The following ZSWIM8 variants were observed in gnomAD, a reference collection of about 807,000 sequenced individuals.
ZSWIM8 encodes zinc finger SWIM-type containing 8.
ZSWIM8 carries 27 observed loss-of-function variants against 173.7 expected under a neutral mutation model. The observed-to-expected ratio is 0.16, with a 90% CI of 0.11 to 0.21. ZSWIM8 has a LOEUF of 0.21. Ranked by LOEUF, ZSWIM8 falls within the 10% of genes least tolerant of loss-of-function variation. The pLI, the probability that ZSWIM8 is intolerant of heterozygous loss-of-function variation, is 1.00. For missense variants in ZSWIM8, 1,627 were observed against 2,428.8 expected (o/e 0.67, Z 6.94); for synonymous variants, 958 against 962.0 (o/e 1.00, Z 0.08).
Position 73,787,261 on chromosome 10 carries a change from G to A in ZSWIM8, c.208+1175G>A, listed in dbSNP as rs114276686. 3.8e-3 allele frequency among the ~76,000 whole-genome samples: 585 copies of A among 152,264 alleles called. 3 individuals carry two copies. Among genetic ancestry groups the A allele is most frequent in the African/African-American group, 0.013 (558 of 41,550 alleles). On this transcript the variant is annotated intron_variant, in intron 1 of 25. Coordinates refer to ENST00000604729, the MANE Select transcript of ZSWIM8 (RefSeq NM_001367799.1). The stretch of plus-strand genomic sequence containing the variant: ...TCCCGGCATATATATCACTTTTTAG[G>A]AGTGGCGGACTGGTGGCATTCAGCT...
Position 73,791,111 on chromosome 10 carries a change from C to T in ZSWIM8, c.1078C>T (p.Arg360Trp). 6.2e-7 allele frequency: 1 copy of T among 1,613,782 alleles called. No individual in the cohort carries two copies. The highest frequency in any genetic ancestry group is 1.1e-5 in the South Asian group (1 of 91,056). ...LLSIVREMFK[R>W]RDSNAAPLLE... ...AAGCATTGTGCGGGAGATGTTCAAG[C>T]GGAGGGACAGCAATGCTGCCCCCTT... is the stretch of plus-strand genomic sequence containing the variant. Residue 360 changes from arginine to tryptophan, a missense_variant, in exon 8 of 26, where the codon CGG becomes TGG. Transcript: ENST00000604729. This position sits in a 1 kb window ranked among gnomAD's most constrained non-coding sequence, Gnocchi z 6.0.
intron 21 of ZSWIM8, 106 bp from the exon 22 acceptor site, chr10:73,799,905 T>TCTAA (rs2132813044): frequency 8.8e-7 from 1 of 1,132,330 alleles, no homozygotes; most frequent in Non-Finnish European, 1.2e-6. Context: ...AGAGCGAGAC[T>TCTAA]CTATCTCAAA....
rs1220542246 is a variant in ZSWIM8, at chr10:73,789,257, C to T, written c.457+67C>T. On this transcript the variant is annotated intron_variant, in intron 3 of 25. Coordinates refer to ENST00000604729, the MANE Select transcript of ZSWIM8 (RefSeq NM_001367799.1). The surrounding 1 kb of genome is among the most constrained non-coding windows in gnomAD (Gnocchi z 6.8). ...CATCCCCTGGCTTATGAAGTAAGAA[C>T]ACACCGCAAGAAGCTGGAGCATGTT... is the stretch of plus-strand genomic sequence containing the variant. The T allele has an allele frequency of 6.2e-7, 1 of 1,608,092 alleles. No homozygotes were observed. The highest frequency in any genetic ancestry group is 8.5e-7 in the Non-Finnish European group (1 of 1,175,508).
Position 73,792,443 on chromosome 10 carries a change from G to A in ZSWIM8, c.1904G>A (p.Ser635Asn). Residue 635 changes from serine to asparagine, a missense_variant, in exon 10 of 26, where the codon AGC (serine) becomes AAC (asparagine). Around this residue, in one of 18 missense-constraint regions of ZSWIM8, gnomAD observed 383 missense variants for 394.8 expected, o/e 0.97. Transcript: ENST00000604729. This position sits in a 1 kb window ranked among gnomAD's most constrained non-coding sequence, Gnocchi z 4.3. ...AGCCTGGCCCTGGGCGCAGAGGCCA[G>A]CACCTTCGGGGGATTCCCTGAGAGC... ...DSSLALGAEA[S>N]TFGGFPESPP... The A allele has an allele frequency of 6.2e-7, 1 of 1,606,076 alleles. No individual in the cohort carries two copies. The highest frequency in any genetic ancestry group is 8.5e-7 in the Non-Finnish European group (1 of 1,176,204).
At chr10:73,795,410 G>C (rs1036650624) in intron 14 of ZSWIM8, 129 bp from the exon 15 acceptor site, 8 of 1,404,690 alleles carry the variant, frequency 5.7e-6, no homozygotes, top group Non-Finnish European at 6.8e-6. Flanking sequence ...GACTTCTATA[G>C]GTGATGTGGG....
At position 73,799,407 on chromosome 10, in the gene ZSWIM8, A is replaced by G. The variant is rs1013118429; in HGVS notation, c.4582A>G (p.Thr1528Ala). The G allele has an allele frequency of 1.2e-6, 2 of 1,610,178 alleles. No individual in the cohort carries two copies. Among genetic ancestry groups the G allele is most frequent in the African/African-American group, 2.7e-5 (2 of 74,506 alleles). Reference sequence around the variant, plus strand: ...CCTGCCCTGTAGCCCTCAGTATCTCACTCACCCAGCTCACCCTGCCCACCC... The same window carrying G: ...CCTGCCCTGTAGCCCTCAGTATCTCGCTCACCCAGCTCACCCTGCCCACCC... ...PHLPCSPQYL[T>A]HPAHPAHPMP... is the part of the protein sequence containing the mutation. The change falls in exon 21 of 26, where the codon ACT (threonine) becomes GCT (alanine). Residue 1528 changes from threonine (T) to alanine (A), a missense_variant. Coordinates refer to ENST00000604729, the MANE Select transcript of ZSWIM8 (RefSeq NM_001367799.1).
At position 73,797,839 on chromosome 10, in the gene ZSWIM8, G is replaced by A; in HGVS notation, c.3721G>A (p.Ala1241Thr). Residue 1241 changes from alanine (A) to threonine (T), a missense_variant, in exon 19 of 26, where the codon GCA becomes ACA. Coordinates refer to ENST00000604729, the MANE Select transcript of ZSWIM8 (RefSeq NM_001367799.1). This position sits in a 1 kb window ranked among gnomAD's most constrained non-coding sequence, Gnocchi z 5.6. ...APHVPNQPSEAAAHFYFELAK... is the reference protein window; with the variant it reads ...APHVPNQPSETAAHFYFELAK... ...TCATGTACCCAATCAGCCATCAGAG[G>A]CAGCTGCACACTTCTACTTCGAGCT... 1 of 1,613,818 alleles carries A rather than the reference G, an allele frequency of 6.2e-7. No homozygotes were observed. Among genetic ancestry groups the A allele is most frequent in the Non-Finnish European group, 8.5e-7 (1 of 1,179,874 alleles).
At chr10:73,788,525 G>A (rs1349644706) in intron 1 of ZSWIM8, 145 bp from the exon 2 acceptor site, 25 of 994,170 alleles carry the variant, frequency 2.5e-5, no homozygotes, top group Non-Finnish European at 3.6e-5. Flanking sequence ...CTGATAGGGG[G>A]ATCCCTAGGA....
chr10:73,798,966 C>G, intron 20 of ZSWIM8, 36 bp from the exon 21 acceptor site: 1 of 1,569,390 alleles, frequency 6.4e-7, no homozygotes, highest in South Asian at 1.2e-5. Context: ...TGGTAAAGGC[C>G]TTTCCCCCTT....
At position 73,789,788 on chromosome 10, in the gene ZSWIM8, G is replaced by A. The variant is rs1383443786; in HGVS notation, c.702G>A (p.Lys234=). ...GGCTACAGAGGGACCAGCTGCAAAAGTTTGCTCAGTACCTCATCAGTGAGC... is the reference window on the plus strand; with the variant it reads ...GGCTACAGAGGGACCAGCTGCAAAAATTTGCTCAGTACCTCATCAGTGAGC... The part of the protein sequence containing the change: ...LSRLQRDQLQ[K]FAQYLISELP... The change falls in exon 5 of 26, where the codon AAG becomes AAA. Residue 234 remains lysine (K), a synonymous_variant. Transcript: ENST00000604729. The surrounding 1 kb of genome is among the most constrained non-coding windows in gnomAD (Gnocchi z 6.8). The A allele has an allele frequency of 2.5e-6, 4 of 1,609,956 alleles. No homozygotes were observed. The African/African-American group carries it at 5.3e-5, about 22-fold the overall frequency.
Position 73,785,994 on chromosome 10 carries a change from A to C in ZSWIM8, c.116A>C (p.Gln39Pro). Residue 39 changes from glutamine (Q) to proline (P), a missense_variant, in exon 1 of 26, where the codon CAG (glutamine) becomes CCG (proline). By Grantham distance (76) the Gln-to-Pro change is moderately conservative. Around this residue, in one of 18 missense-constraint regions of ZSWIM8, gnomAD observed 60 missense variants for 93.9 expected, o/e 0.64. Coordinates refer to ENST00000604729, the MANE Select transcript of ZSWIM8 (RefSeq NM_001367799.1). ...SFISEAESLC[Q>P]NWRGWRKQSA... ...ATCTCCGAGGCCGAGAGCCTCTGCC[A>C]GAACTGGCGGGGATGGCGCAAACAG... is the stretch of plus-strand genomic sequence containing the variant. 6.2e-7 allele frequency: 1 copy of C among 1,604,354 alleles called. No homozygotes were observed. The highest frequency in any genetic ancestry group is 8.5e-7 in the Non-Finnish European group (1 of 1,175,568).
chr10:73,786,329 T>G (rs557347501), intron 1 of ZSWIM8: 206 of 312,502 alleles, frequency 6.6e-4, no homozygotes, highest in African/African-American at 2.5e-3. Context: ...TGTGTGTGGG[T>G]GTGTGTGTGT....
chr10:73,793,855 C>CTTG lies in ZSWIM8; in HGVS notation c.2446-10_2446-9insTTG. On this transcript the variant is annotated splice_polypyrimidine_tract_variant and intron_variant, in intron 11 of 25. Transcript: ENST00000604729. ...CATCTGCCTGTCTCCTGTGTTTCTT[C>CTTG]CCTTTCTAGGGCAAGAAGAACAAGG... The CTTG allele has an allele frequency of 6.3e-7, 1 of 1,593,474 alleles. No individual in the cohort carries two copies. The highest frequency in any genetic ancestry group is 8.5e-7 in the Non-Finnish European group (1 of 1,170,726).
rs1382648643 is a variant in ZSWIM8, at chr10:73,798,307, G to A, written c.4030G>A (p.Val1344Ile). 6.2e-7 allele frequency: 1 copy of A among 1,613,906 alleles called. No homozygotes were observed. Among genetic ancestry groups the A allele is most frequent in the Admixed American group, 1.7e-5 (1 of 60,008 alleles). Residue 1344 changes from valine to isoleucine, a missense_variant, in exon 20 of 26, where the codon GTT (valine) becomes ATT (isoleucine). Val to Ile is a conservative substitution (Grantham distance 29). Coordinates refer to ENST00000604729, the MANE Select transcript of ZSWIM8 (RefSeq NM_001367799.1). The part of the protein sequence containing the change: ...CWDGHLTPPE[V>I]ASLADRASRA... ...GGATGGGCACCTGACACCCCCTGAGGTTGCATCCCTGGCTGACAGGGCATC... is the reference window on the plus strand; with the variant it reads ...GGATGGGCACCTGACACCCCCTGAGATTGCATCCCTGGCTGACAGGGCATC...
In ZSWIM8 at chr10:73,786,086, G is replaced by T; in HGVS notation, c.208G>T (p.Asp70Tyr). ...TGGCAGTGGCGGTACCAGAATGCGA[G>T]GTGAGAGTGAGCTGGGGGGAAGAGG... ...GGGSGGTRMR[D>Y]GLVIPLVELS... The change falls in exon 1 of 26, where the codon GAT becomes TAT. Residue 70 changes from aspartate (D) to tyrosine (Y), a missense_variant and splice_region_variant. Asp to Tyr is a radical substitution (Grantham distance 160, BLOSUM62 -3). This residue lies in a region of ZSWIM8 where 60 missense variants were observed against 93.9 expected (regional missense o/e 0.64). Coordinates refer to ENST00000604729, the MANE Select transcript of ZSWIM8 (RefSeq NM_001367799.1). 1 of 1,566,798 alleles carries T rather than the reference G, an allele frequency of 6.4e-7. No homozygotes were observed. The highest frequency in any genetic ancestry group is 8.7e-7 in the Non-Finnish European group (1 of 1,154,262).
rs1283422780 is a variant in ZSWIM8, at chr10:73,791,967, G to A, written c.1428G>A (p.Arg476=). The A allele has an allele frequency of 2.6e-6, 4 of 1,551,170 alleles. No individual in the cohort carries two copies. The highest frequency in any genetic ancestry group is 4.9e-5 in the East Asian group (2 of 40,914). The change falls in exon 10 of 26, where the codon CGG becomes CGA. Residue 476 remains arginine, a synonymous_variant. Transcript: ENST00000604729. The surrounding 1 kb of genome is among the most constrained non-coding windows in gnomAD (Gnocchi z 6.0). The stretch of plus-strand genomic sequence containing the variant: ...TGGAGCGGCTCTTCCCCGGCTTCCG[G>A]CCAGCGGTGGAGGCCTGCTACTTCA... ...KTLERLFPGF[R]PAVEACYFNW...
chr10:73,794,633 G>T lies in ZSWIM8; in HGVS notation c.2902G>T (p.Ala968Ser), dbSNP rs1435563668. The T allele has an allele frequency of 1.3e-6, 2 of 1,552,396 alleles. No homozygotes were observed. The highest frequency in any genetic ancestry group is 2.4e-5 in the South Asian group (2 of 84,068). ...EELGFEAAVA[A>S]LGMKTTVSEA... ...GCTTGGATTTGAAGCAGCAGTTGCT[G>T]CCTTGGGTGAGTCTTGAGCATATCA... is the stretch of plus-strand genomic sequence containing the variant. The change falls in exon 14 of 26, where the codon GCC becomes TCC. Residue 968 changes from alanine to serine, a missense_variant. By Grantham distance (99) the Ala-to-Ser change is moderately conservative. Around this residue, in one of 18 missense-constraint regions of ZSWIM8, gnomAD observed 169 missense variants for 235.3 expected, o/e 0.72. Coordinates refer to ENST00000604729, the MANE Select transcript of ZSWIM8 (RefSeq NM_001367799.1).
At chr10:73,793,805 T>C in intron 11 of ZSWIM8, 60 bp from the exon 12 acceptor site, 1 of 1,504,686 alleles carries the variant, frequency 6.6e-7, no homozygotes, top group Non-Finnish European at 8.9e-7. Flanking sequence ...AGCATCCTTC[T>C]ACCTCCACCA....
rs376384194 is a variant in ZSWIM8 at position 73,800,287 on chromosome 10, C to A, written c.4826-9C>A. ...TCTGAGTTCCTCACATGGCTCTCAC[C>A]CCACTTAGTGAGCAGTGTCCATCCA... is the stretch of plus-strand genomic sequence containing the variant. On this transcript the variant is annotated splice_polypyrimidine_tract_variant and intron_variant, in intron 22 of 25. Coordinates refer to ENST00000604729, the MANE Select transcript of ZSWIM8 (RefSeq NM_001367799.1). The surrounding 1 kb of genome is among the most constrained non-coding windows in gnomAD (Gnocchi z 4.1). 13 of 1,613,556 alleles carry A rather than the reference C, an allele frequency of 8.1e-6. No homozygotes were observed. The African/African-American group carries it at 1.6e-4, about 20-fold the overall frequency.
Sources: allele counts gnomAD v4.1 joint callset (sites outside exome capture counted in the v4.1 genomes callset), GRCh38; gene constraint gnomAD v4.1.1; regional missense constraint gnomAD v4.1.1; non-coding constraint Gnocchi (gnomAD v3.1); transcripts MANE v1.5; gene names NCBI Gene and HGNC (gene_info 2026-07-23, HGNC 2026-07-21).